Variants in CDH20 observed in about 807,000 individuals in gnomAD.
CDH20 encodes cadherin 20.
Under a neutral mutation model 74.2 loss-of-function variants are expected in CDH20, and 29 were observed. The observed-to-expected ratio is 0.39, with a 90% CI of 0.29 to 0.53. The LOEUF (loss-of-function observed/expected upper bound fraction) is 0.53. Ranked by LOEUF, CDH20 falls within the 20% of genes least tolerant of loss-of-function variation. The pLI is 0.69. For missense variants in CDH20, 988 were observed against 1,048.3 expected (o/e 0.94, Z 0.79); for synonymous variants, 469 against 405.4 (o/e 1.16, Z -1.88).
At position 61,507,565 on chromosome 18, in the gene CDH20, T is replaced by C; in HGVS notation, c.1017+5T>C. The C allele has an allele frequency of 6.3e-7, 1 of 1,595,072 alleles. No homozygotes were observed. The highest frequency in any genetic ancestry group is 8.6e-7 in the Non-Finnish European group (1 of 1,169,462). On this transcript the variant is annotated splice_donor_5th_base_variant and intron_variant, in intron 6 of 11. Transcript: ENST00000262717. ...GGTATCATAACTGTGAAGAAGGTAA[T>C]CCAACTCCTTTTTCTAAACCACTTT...
rs1193742532 is a variant in CDH20, at chr18:61,554,969, GGT to G, written c.*277_*278del. On this transcript the variant is annotated 3_prime_UTR_variant, in exon 12 of 12. Coordinates refer to ENST00000262717, the MANE Select transcript of CDH20 (RefSeq NM_031891.4). The stretch of plus-strand genomic sequence containing the variant: ...CTGTGTGCGAAGGCTTGGAGTCCAA[GGT>G]GTTCTGACAAGGGTGGCTTTTCTCT... The G allele has an allele frequency of 7.8e-7, 1 of 1,287,598 alleles. No homozygotes were observed. Among genetic ancestry groups the G allele is most frequent in the African/African-American group, 1.5e-5 (1 of 67,868 alleles). 79.8% of individuals were successfully genotyped at this position (1,287,598 alleles called of 1,614,324 possible).
intron 1 of CDH20, among the ~76,000 whole-genome samples, chr18:61,363,226 C>A (rs559579829): frequency 1.3e-5 from 2 of 152,238 alleles, no homozygotes; most frequent in African/African-American, 4.8e-5. Flanking sequence ...TCTCAGGAGC[C>A]ACTTGGGATT....
At position 61,488,081 on chromosome 18, in the gene CDH20, CATAT is replaced by C. The variant is rs71178973; in HGVS notation, c.-152-2310_-152-2307del. ...ATACACTAAATAGAATACGTACATA[CATAT>C]ATATATATATGTACGTATATATGTA... On this transcript the variant is annotated intron_variant, in intron 1 of 11. Transcript: ENST00000262717. 4.3e-4 allele frequency among the ~76,000 whole-genome samples: 64 copies of C among 148,892 alleles called. No individual in the cohort carries two copies. The Admixed American group carries it at 4.3e-3, about 10-fold the overall frequency.
intron 1 of CDH20, among the ~76,000 whole-genome samples, chr18:61,388,975 A>G (rs185297034): frequency 1.8e-3 from 267 of 152,298 alleles, no homozygotes; most frequent in African/African-American, 5.9e-3. Flanking sequence ...GCCATCGTTT[A>G]TGCAATTCTT....
intron 1 of CDH20, among the ~76,000 whole-genome samples, chr18:61,434,277 A>G (rs1323528763): frequency 6.6e-6 from 1 of 152,164 alleles, no homozygotes; most frequent in Non-Finnish European, 1.5e-5. Flanking sequence ...AGCCCCTGGC[A>G]TTACAGGCAA....
chr18:61,335,309 A>G (rs747625655), intron 1 of CDH20, among the ~76,000 whole-genome samples: 2 of 152,128 alleles, frequency 1.3e-5, no homozygotes, highest in Non-Finnish European at 2.9e-5. Flanking sequence ...CCGTAAGGGC[A>G]CCTGTGGTTG....
intron 1 of CDH20, among the ~76,000 whole-genome samples, chr18:61,484,503 A>C (rs1910690397): frequency 6.6e-6 from 1 of 152,156 alleles, no homozygotes. Context: ...GACTGCAAAA[A>C]TTGATTATAG....
chr18:61,349,207 TCTC>T (rs1910226342), intron 1 of CDH20, among the ~76,000 whole-genome samples: 1 of 152,116 alleles, frequency 6.6e-6, no homozygotes, highest in African/African-American at 2.4e-5. Flanking sequence ...AGCTAAAAAA[TCTC>T]CTGTTTGATT....
chr18:61,550,320 C>T, intron 11 of CDH20, 91 bp downstream of exon 11: 5 of 1,467,454 alleles, frequency 3.4e-6, no homozygotes, highest in Non-Finnish European at 4.6e-6. Flanking sequence ...CTATTCAGAA[C>T]TGGTCTTCCA....
At chr18:61,445,982 T>G (rs1312072900) in intron 1 of CDH20, among the ~76,000 whole-genome samples, 2 of 152,088 alleles carry the variant, frequency 1.3e-5, no homozygotes, top group African/African-American at 4.8e-5. Context: ...GATCTCTCCA[T>G]GTACCCTGGG....
chr18:61,365,632 G>A (rs888581325), intron 1 of CDH20, among the ~76,000 whole-genome samples: 13 of 151,914 alleles, frequency 8.6e-5, no homozygotes, highest in Non-Finnish European at 1.5e-4. Context: ...TGTCAGTTAT[G>A]TATCAGAAAG....
At chr18:61,471,445 G>A (rs575748040) in intron 1 of CDH20, among the ~76,000 whole-genome samples, 1 of 152,316 alleles carries the variant, frequency 6.6e-6, no homozygotes, top group East Asian at 1.9e-4. Context: ...TAATGAACTG[G>A]AGGAAATTAA....
chr18:61,553,128 TTG>T (rs971267814), intron 11 of CDH20, among the ~76,000 whole-genome samples: 3 of 152,192 alleles, frequency 2.0e-5, no homozygotes, highest in African/African-American at 4.8e-5. Context: ...TAAATCATTG[TTG>T]TGAGTTTTAT....
intron 4 of CDH20, among the ~76,000 whole-genome samples, chr18:61,501,552 T>C (rs1395718515): frequency 6.6e-6 from 1 of 152,172 alleles, no homozygotes; most frequent in Non-Finnish European, 1.5e-5. Flanking sequence ...ATAAAGTTAA[T>C]GGTGAACACT....
intron 6 of CDH20, among the ~76,000 whole-genome samples, chr18:61,520,729 C>A (rs184473647): frequency 2.6e-5 from 4 of 151,244 alleles, no homozygotes; most frequent in African/African-American, 9.8e-5. Context: ...GAAATCATAA[C>A]AAACAGTATC....
chr18:61,429,684 T>A (rs1913187555), intron 1 of CDH20, among the ~76,000 whole-genome samples: 1 of 152,184 alleles, frequency 6.6e-6, no homozygotes, highest in Non-Finnish European at 1.5e-5. Context: ...TCGTCTCCCC[T>A]GATTCTAACA....
intron 1 of CDH20, among the ~76,000 whole-genome samples, chr18:61,334,829 G>C (rs1909702305): frequency 6.6e-6 from 1 of 152,088 alleles, no homozygotes; most frequent in South Asian, 2.1e-4. Context: ...CTATGTTGTT[G>C]CTATTATTAT....
At chr18:61,501,105 A>G (rs1911369556) in intron 4 of CDH20, among the ~76,000 whole-genome samples, 1 of 152,200 alleles carries the variant, frequency 6.6e-6, no homozygotes, top group African/African-American at 2.4e-5. Context: ...GAGGGAGGAA[A>G]GACCAGGTGG....
At chr18:61,345,843 A>C (rs1001405581) in intron 1 of CDH20, among the ~76,000 whole-genome samples, 5 of 152,134 alleles carry the variant, frequency 3.3e-5, no homozygotes, top group Non-Finnish European at 5.9e-5. Flanking sequence ...AAGATCTGAG[A>C]GGTTGTTTGG....
Sources: allele counts gnomAD v4.1 joint callset (sites outside exome capture counted in the v4.1 genomes callset), GRCh38; gene constraint gnomAD v4.1.1; transcripts MANE v1.5; gene names NCBI Gene and HGNC (gene_info 2026-07-23, HGNC 2026-07-21).